The following KDM3B variants were observed in gnomAD, a reference collection of about 807,000 sequenced individuals.
KDM3B encodes the protein lysine-specific demethylase 3B.
Under a neutral mutation model 170.0 loss-of-function variants are expected in KDM3B, and 10 were observed. That is an observed-to-expected ratio of 0.06 (90% CI 0.04 to 0.10). KDM3B has a LOEUF of 0.10. Among genes scored for constraint, KDM3B ranks in the 10% least tolerant of loss-of-function variants. The probability of loss-of-function intolerance (pLI) is 1.00; values close to 1 mark genes in which losing one functional copy is unlikely to be tolerated. For missense variants in KDM3B, 1,394 were observed against 2,195.2 expected (o/e 0.64, Z 7.29); for synonymous variants, 831 against 834.8 (o/e 1.00, Z 0.08).
At chr5:138,362,381 A>T (rs2126910022) in intron 1 of KDM3B, among the ~76,000 whole-genome samples, 1 of 152,106 alleles carries the variant, frequency 6.6e-6, no homozygotes, top group Middle Eastern at 3.4e-3. Context: ...CTATCACAGG[A>T]GATGAGACTG....
At chr5:138,372,079 C>G (rs981114760) in intron 1 of KDM3B, among the ~76,000 whole-genome samples, 1 of 152,262 alleles carries the variant, frequency 6.6e-6, no homozygotes. Flanking sequence ...CGCCATTTCA[C>G]TCCAGCTTGG....
At chr5:138,373,319 A>T (rs954934514) in intron 2 of KDM3B, among the ~76,000 whole-genome samples, 3 of 152,012 alleles carry the variant, frequency 2.0e-5, no homozygotes, top group Non-Finnish European at 4.4e-5. Flanking sequence ...AGCCTGGGGG[A>T]CAGAGTGAGA....
intron 11 of KDM3B, among the ~76,000 whole-genome samples, chr5:138,414,128 A>G (rs189969338): frequency 1.3e-5 from 2 of 152,096 alleles, no homozygotes; most frequent in African/African-American, 4.8e-5. Context: ...TGCATCCTAC[A>G]TGCTTCCATT....
intron 15 of KDM3B, among the ~76,000 whole-genome samples, chr5:138,423,223 AGGC>A (rs1409481558): frequency 6.6e-6 from 1 of 152,270 alleles, no homozygotes; most frequent in Admixed American, 6.5e-5. Context: ...TGGGATTAAC[AGGC>A]ATGAGCCACC....
At chr5:138,434,461 T>C (rs1360539990) in intron 23 of KDM3B, among the ~76,000 whole-genome samples, 4 of 151,184 alleles carry the variant, frequency 2.6e-5, no homozygotes, top group Non-Finnish European at 4.4e-5. Flanking sequence ...GGCTGGAGAA[T>C]CGCTTGAACC....
intron 19 of KDM3B, among the ~76,000 whole-genome samples, chr5:138,427,598 T>C (rs780383589): frequency 2.6e-5 from 4 of 152,158 alleles, no homozygotes; most frequent in Non-Finnish European, 5.9e-5. Flanking sequence ...TATAAGAGAC[T>C]TGACAGAATA....
chr5:138,401,542 C>T (rs1174093604), intron 11 of KDM3B, among the ~76,000 whole-genome samples: 2 of 152,188 alleles, frequency 1.3e-5, no homozygotes, highest in Non-Finnish European at 2.9e-5. Context: ...TGGGTTGCCT[C>T]CGCATTTGGC....
intron 15 of KDM3B, among the ~76,000 whole-genome samples, chr5:138,423,774 G>C (rs1004212235): frequency 6.6e-6 from 1 of 152,158 alleles, no homozygotes; most frequent in Non-Finnish European, 1.5e-5. Flanking sequence ...CTACATGCAT[G>C]TGTGCTTTGT....
chr5:138,435,372 A>G (rs1415744924), intron 23 of KDM3B, among the ~76,000 whole-genome samples: 2 of 152,250 alleles, frequency 1.3e-5, no homozygotes, highest in African/African-American at 4.8e-5. Flanking sequence ...GCTCAGCAGC[A>G]GCGCCTGCCC....
intron 11 of KDM3B, among the ~76,000 whole-genome samples, chr5:138,409,480 C>T (rs372533299): frequency 2.6e-5 from 4 of 151,166 alleles, no homozygotes; most frequent in African/African-American, 4.9e-5. Context: ...TTCAGTGAGC[C>T]GAGCATCATA....
At chr5:138,408,274 A>G (rs2126974003) in intron 11 of KDM3B, among the ~76,000 whole-genome samples, 1 of 151,956 alleles carries the variant, frequency 6.6e-6, no homozygotes, top group South Asian at 2.1e-4. Flanking sequence ...AATCCAGCAC[A>G]TCTGCCACCA....
intron 1 of KDM3B, among the ~76,000 whole-genome samples, chr5:138,364,835 C>T (rs573629023): frequency 2.0e-4 from 30 of 152,318 alleles, no homozygotes; most frequent in African/African-American, 5.1e-4. Context: ...CCATATCTAT[C>T]ATTCTGCAAC....
chr5:138,377,684 T>C (rs1406321420), intron 3 of KDM3B, 36 bp from the exon 4 acceptor site: 1 of 1,434,186 alleles, frequency 7.0e-7, no homozygotes, highest in Non-Finnish European at 9.8e-7. Flanking sequence ...CTATTCATTT[T>C]AACATTCAGT....
At chr5:138,412,699 C>A (rs904455145) in intron 11 of KDM3B, among the ~76,000 whole-genome samples, 1 of 152,078 alleles carries the variant, frequency 6.6e-6, no homozygotes, top group Non-Finnish European at 1.5e-5. Context: ...TGGTGTAACA[C>A]CTATAATCCC....
chr5:138,363,914 CTTTTTTTTTTTT>C (rs11409334), intron 1 of KDM3B, among the ~76,000 whole-genome samples: 3 of 133,910 alleles, frequency 2.2e-5, no homozygotes, highest in Admixed American at 7.6e-5. Context: ...TTTAGTTTTT[CTTTTTTTTTTTT>C]TTTCGAGATG....
rs1763492456 is a variant in KDM3B at position 138,430,069 on chromosome 5, C to T, written c.4893+104C>T. ...ATGTAGAGTCCCTTGGCATTAAAGA[C>T]TTGTTGGCCATGATACCTCTGGTGG... On this transcript the variant is annotated intron_variant, in intron 21 of 23. Coordinates refer to ENST00000314358, the MANE Select transcript of KDM3B (RefSeq NM_016604.4). 2.0e-6 allele frequency: 3 copies of T among 1,467,912 alleles called. No homozygotes were observed. The African/African-American group carries it at 4.2e-5, about 21-fold the overall frequency. 90.9% of individuals were successfully genotyped at this position (1,467,912 alleles called of 1,614,324 possible).
intron 1 of KDM3B, among the ~76,000 whole-genome samples, chr5:138,358,871 C>T (rs1214286983): frequency 2.0e-5 from 3 of 151,132 alleles, no homozygotes; most frequent in Non-Finnish European, 4.4e-5. Flanking sequence ...TATACATGTG[C>T]CATGCTGGTG....
chr5:138,415,276 T>C (rs1371772044), intron 12 of KDM3B, 37 bp downstream of exon 12: 1 of 1,415,192 alleles, frequency 7.1e-7, no homozygotes, highest in Non-Finnish European at 9.9e-7. Context: ...GTGGAAGAAA[T>C]GTTTTTAGTT....
At chr5:138,403,501 C>T (rs1286813548) in intron 11 of KDM3B, among the ~76,000 whole-genome samples, 3 of 151,746 alleles carry the variant, frequency 2.0e-5, no homozygotes, top group Admixed American at 2.0e-4. Context: ...CATGTTGAAA[C>T]CCCGTCTGCA....
Sources: allele counts gnomAD v4.1 joint callset (sites outside exome capture counted in the v4.1 genomes callset), GRCh38; gene constraint gnomAD v4.1.1; transcripts MANE v1.5; gene names NCBI Gene and HGNC (gene_info 2026-07-23, HGNC 2026-07-21).